CCNH: variants seen among roughly 807,000 people sequenced by gnomAD.
The protein encoded by CCNH is cyclin-H.
A neutral mutation model predicts 41.9 loss-of-function variants in CCNH; 31 were observed. The ratio of observed to expected loss-of-function variants is 0.74; its 90% CI spans 0.56 to 1.00. The LOEUF is 1.00. CCNH is among the 50% of genes least tolerant of loss of function. The pLI is 0.00. For missense variants in CCNH, 362 were observed against 388.4 expected, an observed-to-expected ratio of 0.93 and a Z score of 0.57; for synonymous variants, 138 against 136.1, an observed-to-expected ratio of 1.01 and a Z score of -0.10.
chr5:87,391,553 T>C (rs989403614), downstream of CCNH: 4 of 237,684 alleles, frequency 1.7e-5, no homozygotes, highest in East Asian at 1.8e-4. Context: ...TGTCAAAGAC[T>C]GTATTTAGAT....
At chr5:87,371,951 GTTATT>G (rs869268509), downstream of CCNH, among the ~76,000 whole-genome samples, 1 of 149,426 alleles carries the variant, frequency 6.7e-6, no homozygotes. Context: ...TTATGTTATT[GTTATT>G]TTATTATTGG....
At chr5:87,392,370 C>A (rs746036830), downstream of CCNH, 1 of 455,318 alleles carries the variant, frequency 2.2e-6, no homozygotes, top group Non-Finnish European at 4.4e-6. Flanking sequence ...GCTTCAATCA[C>A]CGTTTAACAC....
At chr5:87,375,012 A>G (rs1361412945), downstream of CCNH, 2 of 1,422,360 alleles carry the variant, frequency 1.4e-6, no homozygotes, top group East Asian at 4.9e-5. Flanking sequence ...TTAAAAAAAC[A>G]GAAATGCAAG....
At chr5:87,380,626 C>T (rs1435370428), upstream of CCNH, 1 of 1,509,396 alleles carries the variant, frequency 6.6e-7, no homozygotes, top group Non-Finnish European at 9.2e-7. Context: ...TGTTAAATCA[C>T]ATACTAATAG....
Position 87,407,974 on chromosome 5 carries a change from A to G in CCNH, c.525+2T>C. 1 of 1,598,530 alleles carries G rather than the reference A, an allele frequency of 6.3e-7. No individual in the cohort carries two copies. The highest frequency in any genetic ancestry group is 1.1e-5 in the South Asian group (1 of 90,616). ...TATTAGTTTATTTTACATCAAGTTTACCTTTAAGTCGATGAGGAAGCCCTC... is the reference window on the plus strand; with the variant it reads ...TATTAGTTTATTTTACATCAAGTTTGCCTTTAAGTCGATGAGGAAGCCCTC... On this transcript the variant is annotated splice_donor_variant, in intron 4 of 8. Coordinates refer to ENST00000256897, the MANE Select transcript of CCNH (RefSeq NM_001239.4). LOFTEE classifies it high-confidence loss of function.
intron 7 of CCNH, among the ~76,000 whole-genome samples, chr5:87,396,710 G>C (rs1205070535): frequency 1.3e-5 from 2 of 152,130 alleles, no homozygotes. Context: ...GTTAAGTATG[G>C]AAAGTTCAAT....
At chr5:87,377,606 G>A (rs182135256), upstream of CCNH, among the ~76,000 whole-genome samples, 12 of 152,168 alleles carry the variant, frequency 7.9e-5, no homozygotes, top group African/African-American at 1.4e-4. Flanking sequence ...CCAAAGTGCC[G>A]GGGTTACAGG....
intron 9 of CCNH, among the ~76,000 whole-genome samples, chr5:87,345,211 A>C (rs528161382): frequency 2.6e-5 from 4 of 152,282 alleles, no homozygotes; most frequent in African/African-American, 9.6e-5. Context: ...TGTGGTTGAA[A>C]TATATAAATT....
downstream of CCNH, among the ~76,000 whole-genome samples, chr5:87,314,676 A>G (rs1756186029): frequency 6.6e-6 from 1 of 152,160 alleles, no homozygotes; most frequent in Non-Finnish European, 1.5e-5. Flanking sequence ...GCAAGTAAAG[A>G]TGAGAAACAG....
intron 2 of CCNH, among the ~76,000 whole-genome samples, chr5:87,410,011 G>A (rs1176355809): frequency 6.6e-6 from 1 of 152,092 alleles, no homozygotes; most frequent in East Asian, 1.9e-4. Context: ...GTATCAATGA[G>A]GTTAACTGAC....
At chr5:87,359,525 A>G (rs1759915125) in intron 9 of CCNH, among the ~76,000 whole-genome samples, 1 of 152,190 alleles carries the variant, frequency 6.6e-6, no homozygotes, top group South Asian at 2.1e-4. Flanking sequence ...CAAGATCTAT[A>G]TAAAATCTTG....
downstream of CCNH, chr5:87,374,157 T>G (rs1761151365): frequency 7.0e-7 from 1 of 1,438,834 alleles, no homozygotes; most frequent in Non-Finnish European, 9.2e-7. Flanking sequence ...ATTTTTTTTT[T>G]TTTAGGTCAG....
chr5:87,408,117 G>T lies in CCNH; in HGVS notation c.384C>A (p.Asn128Lys), dbSNP rs143938518. 53 of 1,600,754 alleles carry T rather than the reference G, an allele frequency of 3.3e-5. No individual in the cohort carries two copies. The highest frequency in any genetic ancestry group is 2.1e-4 in the African/African-American group (16 of 74,440). ...CCTGTCCAAGAGGACTCTCCCGGAGGTTTCCAACAAACTGAGGACTAGATA... is the reference window on the plus strand; with the variant it reads ...CCTGTCCAAGAGGACTCTCCCGGAGTTTTCCAACAAACTGAGGACTAGATA... ...FNVSSPQFVG[N>K]LRESPLGQEK... Residue 128 changes from asparagine to lysine, a missense_variant, in exon 4 of 9, where the codon AAC (asparagine) becomes AAA (lysine). By Grantham distance (94) the Asn-to-Lys change is moderately conservative (BLOSUM62 0). Coordinates refer to ENST00000256897, the MANE Select transcript of CCNH (RefSeq NM_001239.4).
intron 1 of CCNH, 159 bp downstream of exon 1, chr5:87,412,519 A>T (rs1764335382): frequency 7.6e-6 from 11 of 1,439,626 alleles, no homozygotes; most frequent in Non-Finnish European, 1.0e-5. Context: ...GTACCCACGG[A>T]ACCTGGCAAG....
chr5:87,349,551 G>C (rs1217549159), intron 9 of CCNH, among the ~76,000 whole-genome samples: 1 of 151,820 alleles, frequency 6.6e-6, no homozygotes, highest in Non-Finnish European at 1.5e-5. Context: ...ATACAAATTA[G>C]TAACTTATAC....
Position 87,369,875 on chromosome 5 carries a change from C to A in CCNH, c.*90+22895G>T, listed in dbSNP as rs772920968. 1.1e-5 allele frequency: 17 copies of A among 1,610,818 alleles called. 1 individual carries two copies. The highest frequency in any genetic ancestry group is 9.3e-6 in the Non-Finnish European group (11 of 1,177,716). The stretch of plus-strand genomic sequence containing the variant: ...GAAGAACATTACATCTTTTACTTTG[C>A]AGGAGAAACTCCAGAACAAGCAGAG... On this transcript the variant is annotated intron_variant and NMD_transcript_variant, in intron 9 of 9. Transcript: ENST00000645953.
At chr5:87,354,886 T>C (rs1412614755) in intron 9 of CCNH, among the ~76,000 whole-genome samples, 1 of 152,170 alleles carries the variant, frequency 6.6e-6, no homozygotes, top group Non-Finnish European at 1.5e-5. Flanking sequence ...GTGGTCTGGA[T>C]TGAAGATTAA....
chr5:87,379,675 C>G, upstream of CCNH: 1 of 1,590,180 alleles, frequency 6.3e-7, no homozygotes, highest in South Asian at 1.1e-5. Context: ...TTGTTTTCCT[C>G]TATTCATTTG....
chr5:87,404,850 A>G lies in CCNH; in HGVS notation c.683T>C (p.Met228Thr). 6.2e-7 allele frequency: 1 copy of G among 1,605,528 alleles called. No homozygotes were observed. The highest frequency in any genetic ancestry group is 8.5e-7 in the Non-Finnish European group (1 of 1,177,282). Residue 228 changes from methionine (M) to threonine (T), a missense_variant, in exon 5 of 9, where the codon ATG becomes ACG. By Grantham distance (81) the Met-to-Thr change is moderately conservative. Coordinates refer to ENST00000256897, the MANE Select transcript of CCNH (RefSeq NM_001239.4). ...TTAAAAAACTAATTAATACCTTTCCATAGTAATTCCAGCCCTGGAGGCACT... is the reference window on the plus strand; with the variant it reads ...TTAAAAAACTAATTAATACCTTTCCGTAGTAATTCCAGCCCTGGAGGCACT... ...LSSASRAGIT[M>T]ESYLSESLML... is the part of the protein sequence containing the mutation.
Sources: allele counts gnomAD v4.1 joint callset (sites outside exome capture counted in the v4.1 genomes callset), GRCh38; gene constraint gnomAD v4.1.1; transcripts MANE v1.5; gene names NCBI Gene and HGNC (gene_info 2026-07-23, HGNC 2026-07-21).